Variants in EVPL observed in about 807,000 individuals in gnomAD.
EVPL encodes 210 kDa cornified envelope precursor protein.
Under a neutral mutation model 129.7 loss-of-function variants are expected in EVPL, and 94 were observed. The ratio of observed to expected loss-of-function variants is 0.72; its 90% CI spans 0.61 to 0.86. The LOEUF (loss-of-function observed/expected upper bound fraction) is 0.86. Ranked by LOEUF, EVPL falls within the 40% of genes least tolerant of loss-of-function variation. The pLI is 0.00. For missense variants in EVPL, 2,625 were observed against 2,721.1 expected, an observed-to-expected ratio of 0.96 and a Z score of 0.79; for synonymous variants, 1,172 against 1,191.1, an observed-to-expected ratio of 0.98 and a Z score of 0.33.
At position 76,011,890 on chromosome 17, in the gene EVPL, G is replaced by C; in HGVS notation, c.2458-8C>G. The stretch of plus-strand genomic sequence containing the variant: ...TGCCTGGAGCTCATAGTCCTGAGCA[G>C]GGAGGAAAGGACAGCAGGCTGGCAA... On this transcript the variant is annotated splice_region_variant and splice_polypyrimidine_tract_variant and intron_variant, in intron 19 of 21. Coordinates refer to ENST00000301607, the MANE Select transcript of EVPL (RefSeq NM_001988.4). 2 of 1,612,822 alleles carry C rather than the reference G, an allele frequency of 1.2e-6. No individual in the cohort carries two copies. Among genetic ancestry groups the C allele is most frequent in the Non-Finnish European group, 1.7e-6 (2 of 1,179,514 alleles).
chr17:76,011,555 C>T (rs757455331), intron 21 of EVPL, 21 bp downstream of exon 21: 1 of 1,602,888 alleles, frequency 6.2e-7, no homozygotes, highest in Non-Finnish European at 8.5e-7. Flanking sequence ...TGTGGGAAAG[C>T]TGTAGGTGTT....
chr17:76,008,043 C>T lies in EVPL; in HGVS notation c.5162G>A (p.Cys1721Tyr). ...CGAGGTGGTGACCTCCTCCCAGTCA[C>T]ACTCGAGCTCCTGCAGCTGCAAGTA... ...GQYLQLQELE[C>Y]DWEEVTTSGP... Residue 1721 changes from cysteine (C) to tyrosine (Y), a missense_variant, in exon 22 of 22, where the codon TGT (cysteine) becomes TAT (tyrosine). Physicochemically the swap from Cys to Tyr is radical, Grantham distance 194. Around this residue, in one of 4 missense-constraint regions of EVPL, gnomAD observed 1,453 missense variants for 1,511.8 expected, o/e 0.96. Transcript: ENST00000301607. The surrounding 1 kb of genome is among the most constrained non-coding windows in gnomAD (Gnocchi z 7.4). The T allele has an allele frequency of 6.2e-7, 1 of 1,614,180 alleles. No homozygotes were observed. The highest frequency in any genetic ancestry group is 8.5e-7 in the Non-Finnish European group (1 of 1,180,038).
At position 76,007,410 on chromosome 17, in the gene EVPL, A is replaced by G. The variant is rs779702986; in HGVS notation, c.5795T>C (p.Leu1932Pro). The G allele has an allele frequency of 6.2e-7, 1 of 1,603,180 alleles. No individual in the cohort carries two copies. The highest frequency in any genetic ancestry group is 1.1e-5 in the South Asian group (1 of 90,774). The change falls in exon 22 of 22, where the codon CTC (leucine) becomes CCC (proline). Residue 1932 changes from leucine (L) to proline (P), a missense_variant. Leu to Pro is a moderately conservative substitution (Grantham distance 98, BLOSUM62 -3). Around this residue, in one of 4 missense-constraint regions of EVPL, gnomAD observed 1,453 missense variants for 1,511.8 expected, o/e 0.96. Transcript: ENST00000301607. The surrounding 1 kb of genome is among the most constrained non-coding windows in gnomAD (Gnocchi z 8.8). The stretch of plus-strand genomic sequence containing the variant: ...CAGGTGCTGCACCTGCAGGTGTGGG[A>G]GCACGCTCTCCCGGGGCATCCAGCC... ...QKGWMPRESV[L>P]PHLQVQHLTG...
intron 14 of EVPL, among the ~76,000 whole-genome samples, chr17:76,016,398 ACT>A (rs1372341816): frequency 1.3e-5 from 2 of 151,986 alleles, no homozygotes; most frequent in African/African-American, 4.8e-5. Context: ...AGCAGTGCTG[ACT>A]CTGCACCAGG....
Position 76,008,446 on chromosome 17 carries a change from G to T in EVPL, c.4759C>A (p.Gln1587Lys). 1 of 1,592,544 alleles carries T rather than the reference G, an allele frequency of 6.3e-7. No individual in the cohort carries two copies. The highest frequency in any genetic ancestry group is 8.5e-7 in the Non-Finnish European group (1 of 1,175,374). Residue 1587 changes from glutamine (Q) to lysine (K), a missense_variant, in exon 22 of 22, where the codon CAG (glutamine) becomes AAG (lysine). Gln to Lys is a moderately conservative substitution (Grantham distance 53, BLOSUM62 1). Transcript: ENST00000301607. The surrounding 1 kb of genome is among the most constrained non-coding windows in gnomAD (Gnocchi z 7.4). ...AGCCGCCCACACTCCTGGTCGGCCT[G>T]GTCCCGGGCCCTCTGCAGCTCGGAC... ...EESELQRARD[Q>K]ADQECGRLQQ...
At chr17:76,023,763 A>C in intron 2 of EVPL, 109 bp from the exon 3 acceptor site, 1 of 1,440,290 alleles carries the variant, frequency 6.9e-7, no homozygotes, top group Non-Finnish European at 9.1e-7. Flanking sequence ...ATGCTAGCCA[A>C]CCTTGAGGCC....
intron 18 of EVPL, 183 bp from the exon 19 acceptor site, chr17:76,012,272 T>C: frequency 1.8e-6 from 1 of 556,924 alleles, no homozygotes; most frequent in Admixed American, 3.1e-5. Context: ...CTTTTCCTCC[T>C]TCCTCTCCGA....
In EVPL at chr17:76,009,992, C is replaced by A. The variant is rs776474911; in HGVS notation, c.3213G>T (p.Lys1071Asn). ...LALEKREVDV[K>N]EKVVVKEVVK... Reference sequence around the variant, plus strand: ...CTACCTCTTTCACCACGACCTTCTCCTTCACGTCCACCTCCCTCTTCTCAA... The same window carrying A: ...CTACCTCTTTCACCACGACCTTCTCATTCACGTCCACCTCCCTCTTCTCAA... The change falls in exon 22 of 22, where the codon AAG becomes AAT. Residue 1071 changes from lysine (K) to asparagine (N), a missense_variant. This residue lies in a region of EVPL where 1,453 missense variants were observed against 1,511.8 expected (regional missense o/e 0.96). Transcript: ENST00000301607. This position sits in a 1 kb window ranked among gnomAD's most constrained non-coding sequence, Gnocchi z 5.9. 6 of 1,613,782 alleles carry A rather than the reference C, an allele frequency of 3.7e-6. No homozygotes were observed. In the East Asian group the frequency reaches 1.3e-4, roughly 36 times the overall value.
intron 15 of EVPL, 32 bp from the exon 16 acceptor site, chr17:76,015,397 C>T: frequency 6.2e-7 from 1 of 1,603,772 alleles, no homozygotes; most frequent in Non-Finnish European, 8.5e-7. Flanking sequence ...TCAGACACTC[C>T]CTGGGCCACA....
intron 11 of EVPL, 125 bp from the exon 12 acceptor site, chr17:76,018,725 G>A (rs2066436197): frequency 8.2e-7 from 1 of 1,217,252 alleles, no homozygotes; most frequent in East Asian, 2.5e-5. Context: ...AGAGTAGGGT[G>A]GGAGGTGCTG....
rs1011187249 is a variant in EVPL at position 76,024,669 on chromosome 17, A to G, written c.99-549T>C. The stretch of plus-strand genomic sequence containing the variant: ...ATCTAGAGGAGCCTCACACTGTCGG[A>G]GCCGGGGAGGTGGGGCAGGCGCAAG... On this transcript the variant is annotated intron_variant, in intron 1 of 21. Coordinates refer to ENST00000301607, the MANE Select transcript of EVPL (RefSeq NM_001988.4). This position sits in a 1 kb window ranked among gnomAD's most constrained non-coding sequence, Gnocchi z 4.5. Among the ~76,000 whole-genome samples, 3 of 151,266 alleles carry G rather than the reference A, an allele frequency of 2.0e-5. No homozygotes were observed. Among genetic ancestry groups the G allele is most frequent in the African/African-American group, 7.3e-5 (3 of 41,050 alleles).
Position 76,021,599 on chromosome 17 carries a change from C to CCA in EVPL, c.916-37_916-36insTG, listed in dbSNP as rs1454176349. On this transcript the variant is annotated intron_variant, in intron 8 of 21. Coordinates refer to ENST00000301607, the MANE Select transcript of EVPL (RefSeq NM_001988.4). ...CAGCATGGAGCCCTCGGACCACGCC[C>CCA]CCCCCACGTCCGCCCCACCTCCCCC... 7 of 1,456,562 alleles carry CCA rather than the reference C, an allele frequency of 4.8e-6. 1 individual carries two copies. Among genetic ancestry groups the CCA allele is most frequent in the Middle Eastern group, 2.4e-4 (1 of 4,228 alleles). The allele number at this position is 1,456,562 out of a possible 1,614,324, so 90.2% of individuals were successfully genotyped here.
Position 76,022,889 on chromosome 17 carries a change from T to C in EVPL, c.481-351A>G, listed in dbSNP as rs543176637. On this transcript the variant is annotated intron_variant, in intron 4 of 21. Transcript: ENST00000301607. The surrounding 1 kb of genome is among the most constrained non-coding windows in gnomAD (Gnocchi z 5.6). ...GGGCCCTTCCCCACTGTCCCTCTATTGTCATGATGACACCCCTTCTGTGTG... is the reference window on the plus strand; with the variant it reads ...GGGCCCTTCCCCACTGTCCCTCTATCGTCATGATGACACCCCTTCTGTGTG... Among the ~76,000 whole-genome samples, 1 of 152,234 alleles carries C rather than the reference T, an allele frequency of 6.6e-6. No homozygotes were observed. Among genetic ancestry groups the C allele is most frequent in the East Asian group, 1.9e-4 (1 of 5,172 alleles).
chr17:76,007,787 G>C lies in EVPL; in HGVS notation c.5418C>G (p.Pro1806=), dbSNP rs1299178212. The C allele has an allele frequency of 3.7e-6, 6 of 1,611,876 alleles. No individual in the cohort carries two copies. The highest frequency in any genetic ancestry group is 2.7e-5 in the African/African-American group (2 of 74,866). ...ISKSPLASPA[P]QSTSFFSPSF... ...TGGGAGAGAAGAAACTGGTGCTCTG[G>C]GGGGCCGGGGAGGCGAGCGGGGACT... The change falls in exon 22 of 22, where the codon CCC becomes CCG. Residue 1806 remains proline, a synonymous_variant. Transcript: ENST00000301607. This position sits in a 1 kb window ranked among gnomAD's most constrained non-coding sequence, Gnocchi z 8.8.
Position 76,019,568 on chromosome 17 carries a change from C to T in EVPL, c.1097G>A (p.Gly366Asp). 1 of 1,574,850 alleles carries T rather than the reference C, an allele frequency of 6.3e-7. No individual in the cohort carries two copies. The highest frequency in any genetic ancestry group is 2.0e-5 in the Admixed American group (1 of 50,880). Reference sequence around the variant, plus strand: ...CAGCTCTGTGGGGGCGCCAGGGGGGCCCCCAGGTGCAGGGCTGTACTTGGC... The same window carrying T: ...CAGCTCTGTGGGGGCGCCAGGGGGGTCCCCAGGTGCAGGGCTGTACTTGGC... ...LDAKYSPAPG[G>D]PPGAPTELLQ... The change falls in exon 10 of 22, where the codon GGC becomes GAC. Residue 366 changes from glycine to aspartate, a missense_variant. Gly to Asp is a moderately conservative substitution (Grantham distance 94). This residue lies in a region of EVPL where 1,024 missense variants were observed against 997.5 expected (regional missense o/e 1.03). Transcript: ENST00000301607.
chr17:76,023,797 C>G (rs2066480391), intron 2 of EVPL, 143 bp from the exon 3 acceptor site: 5 of 1,392,774 alleles, frequency 3.6e-6, no homozygotes, highest in Non-Finnish European at 3.8e-6. Context: ...GGGTCAGGAC[C>G]AGGGCGTCCG....
chr17:76,012,625 AG>A (rs1290373433), intron 18 of EVPL, among the ~76,000 whole-genome samples: 1 of 151,900 alleles, frequency 6.6e-6, no homozygotes, highest in East Asian at 1.9e-4. Flanking sequence ...GTTCTAGCAC[AG>A]TAGTATCTGC....
chr17:76,016,950 C>T lies in EVPL; in HGVS notation c.1710+789G>A, dbSNP rs540828655. Among the ~76,000 whole-genome samples, 374 of 151,428 alleles carry T rather than the reference C, an allele frequency of 2.5e-3. 2 individuals are homozygous for T. The highest frequency in any genetic ancestry group is 4.4e-3 in the Non-Finnish European group (298 of 67,844). ...AAAACAGACCAGGTGCGGTGGCTCA[C>T]GCCTGTAATCCCAGCACTCTGGGAG... On this transcript the variant is annotated intron_variant, in intron 14 of 21. Coordinates refer to ENST00000301607, the MANE Select transcript of EVPL (RefSeq NM_001988.4).
At chr17:76,011,492 G>T in intron 21 of EVPL, 84 bp downstream of exon 21, 3 of 1,212,104 alleles carry the variant, frequency 2.5e-6, no homozygotes, top group South Asian at 2.4e-5. Context: ...CTACCAGGGT[G>T]ACAGCCTGGC....
Sources: allele counts gnomAD v4.1 joint callset (sites outside exome capture counted in the v4.1 genomes callset), GRCh38; gene constraint gnomAD v4.1.1; regional missense constraint gnomAD v4.1.1; non-coding constraint Gnocchi (gnomAD v3.1); transcripts MANE v1.5; gene names NCBI Gene and HGNC (gene_info 2026-07-23, HGNC 2026-07-21).